Variants in VPS53 observed in about 807,000 individuals in gnomAD.
The protein encoded by VPS53 is vacuolar protein sorting-associated protein 53 homolog.
VPS53 carries 70 observed loss-of-function variants against 107.0 expected under a neutral mutation model. That is an observed-to-expected ratio of 0.65 (90% CI 0.54 to 0.80). VPS53 has a LOEUF of 0.80. VPS53 is among the 30% of genes least tolerant of loss of function. The pLI is 0.00. For synonymous variants in VPS53, 409 were observed against 393.3 expected (o/e 1.04, Z -0.47); for missense variants, 917 against 1,049.4 (o/e 0.87, Z 1.74).
Position 519,214 on chromosome 17 carries a change from C to A in VPS53, c.2413G>T (p.Gly805Cys). 3 of 1,549,694 alleles carry A rather than the reference C, an allele frequency of 1.9e-6. No individual in the cohort carries two copies. The highest frequency in any genetic ancestry group is 2.6e-6 in the Non-Finnish European group (3 of 1,146,320). ...PAPPSGAESS[G>C]SLSLTAPTPE... ...GTTGGCGCCGTCAGGGACAGTGAGC[C>A]GGAGCTTTCTGCCCCCGAGGGCGGT... Residue 805 changes from glycine to cysteine, a missense_variant, in exon 22 of 22, where the codon GGC becomes TGC. Transcript: ENST00000437048. The surrounding 1 kb of genome is among the most constrained non-coding windows in gnomAD (Gnocchi z 5.0).
At chr17:602,644 C>A (rs1968381279) in intron 11 of VPS53, among the ~76,000 whole-genome samples, 1 of 152,218 alleles carries the variant, frequency 6.6e-6, no homozygotes, top group South Asian at 2.1e-4. Context: ...CTGGCCCTAT[C>A]ACCCAGCTTC....
intron 15 of VPS53, among the ~76,000 whole-genome samples, 167 bp downstream of exon 15, chr17:560,259 C>T (rs1448094729): frequency 6.6e-6 from 1 of 152,254 alleles, no homozygotes; most frequent in African/African-American, 2.4e-5. Context: ...AGACAGCTGC[C>T]TGGGCAGCCT....
intron 13 of VPS53, among the ~76,000 whole-genome samples, chr17:575,809 C>A (rs1256238764): frequency 6.6e-6 from 1 of 150,688 alleles, no homozygotes; most frequent in East Asian, 2.0e-4. Flanking sequence ...CAGAAGACTT[C>A]CCTCAGGACC....
chr17:645,236 A>G (rs949001205), intron 7 of VPS53, among the ~76,000 whole-genome samples: 5 of 152,242 alleles, frequency 3.3e-5, no homozygotes, highest in Admixed American at 2.0e-4. Flanking sequence ...GGTGGAAACC[A>G]CAATGCAGTG....
intron 7 of VPS53, among the ~76,000 whole-genome samples, chr17:641,148 G>A (rs118023840): frequency 0.012 from 1,865 of 152,218 alleles, 19 homozygotes; most frequent in Middle Eastern, 0.024. Context: ...GAGTCACTGC[G>A]CCCAGCCTCT....
intron 2 of VPS53, among the ~76,000 whole-genome samples, chr17:706,504 T>C (rs931597145): frequency 4.1e-5 from 6 of 147,564 alleles, no homozygotes; most frequent in Admixed American, 2.7e-4. Flanking sequence ...GCTACTGCAT[T>C]CCATCCTGGC....
rs553279654 is a variant in VPS53 at position 628,325 on chromosome 17, T to G, written c.688-94A>C. On this transcript the variant is annotated intron_variant, in intron 8 of 21. Coordinates refer to ENST00000437048, the MANE Select transcript of VPS53 (RefSeq NM_001128159.3). ...CACTACTTGTTATCTCTACGCATTG[T>G]CAGTCTTACTCCTGCTCCTTCACAC... The G allele has an allele frequency of 4.9e-6, 7 of 1,430,136 alleles. No individual in the cohort carries two copies. The African/African-American group carries it at 8.6e-5, about 18-fold the overall frequency. The allele number at this position is 1,430,136 out of a possible 1,614,324, so 88.6% of individuals were successfully genotyped here. A position where few individuals can be genotyped will look rare whatever the true frequency, so the allele number is the denominator to read the frequency against.
At chr17:623,898 A>G (rs1366837044) in intron 10 of VPS53, among the ~76,000 whole-genome samples, 1 of 152,110 alleles carries the variant, frequency 6.6e-6, no homozygotes, top group Non-Finnish European at 1.5e-5. Flanking sequence ...ATCAGGGGTC[A>G]TGGATGATAT....
chr17:632,731 G>A (rs1257930064), intron 7 of VPS53: 2 of 456,240 alleles, frequency 4.4e-6, no homozygotes, highest in East Asian at 1.4e-4. Flanking sequence ...CTTTGAAAAT[G>A]TTTAGCACCC....
intron 15 of VPS53, among the ~76,000 whole-genome samples, chr17:558,780 T>G (rs1336788305): frequency 6.7e-6 from 1 of 150,332 alleles, no homozygotes; most frequent in African/African-American, 2.5e-5. Context: ...GGTCAAGAGT[T>G]GGAGATCAGC....
rs1238840064 is a variant in VPS53 at position 586,181 on chromosome 17, C to T, written c.1313+89G>A. ...CAGGCATGCCACAACCATCTTTCAG[C>T]CCCGGAAGGAGCTGTGCGCTCCTAA... On this transcript the variant is annotated intron_variant, in intron 13 of 21. Coordinates refer to ENST00000437048, the MANE Select transcript of VPS53 (RefSeq NM_001128159.3). 12 of 1,194,728 alleles carry T rather than the reference C, an allele frequency of 1.0e-5. No individual in the cohort carries two copies. In the East Asian group the frequency reaches 2.6e-4, roughly 26 times the overall value. The allele number at this position is 1,194,728 out of a possible 1,614,324, so 74.0% of individuals were successfully genotyped here.
intron 11 of VPS53, among the ~76,000 whole-genome samples, chr17:614,419 G>A (rs142201900): frequency 2.3e-4 from 35 of 152,026 alleles, no homozygotes; most frequent in African/African-American, 7.0e-4. Context: ...CTCTATTCTC[G>A]CCATAATTTC....
At chr17:604,097 T>C (rs769129277) in intron 11 of VPS53, among the ~76,000 whole-genome samples, 10 of 152,198 alleles carry the variant, frequency 6.6e-5, no homozygotes, top group Non-Finnish European at 1.5e-4. Flanking sequence ...GCCCCTCATC[T>C]ATTGCTAAGT....
chr17:578,547 G>A (rs1914855656), intron 13 of VPS53, among the ~76,000 whole-genome samples: 1 of 148,912 alleles, frequency 6.7e-6, no homozygotes, highest in Non-Finnish European at 1.5e-5. Flanking sequence ...TCCTCCCTCA[G>A]AATTTAATGC....
intron 7 of VPS53, among the ~76,000 whole-genome samples, chr17:640,681 G>A (rs757100329): frequency 7.9e-5 from 12 of 151,618 alleles, no homozygotes; most frequent in East Asian, 1.9e-4. Flanking sequence ...AAATAAGAGG[G>A]TGGGGCTAGC....
At chr17:593,930 C>G (rs944014010) in intron 12 of VPS53, among the ~76,000 whole-genome samples, 1 of 152,178 alleles carries the variant, frequency 6.6e-6, no homozygotes, top group African/African-American at 2.4e-5. Context: ...CAATGATAGA[C>G]TGGATTAAGA....
At chr17:700,264 C>T (rs945115814) in intron 2 of VPS53, among the ~76,000 whole-genome samples, 30 of 151,998 alleles carry the variant, frequency 2.0e-4, no homozygotes, top group African/African-American at 7.0e-4. Flanking sequence ...CTTCTTGGGC[C>T]GGGTGCAGTG....
At chr17:654,191 T>A (rs748729280) in intron 6 of VPS53, among the ~76,000 whole-genome samples, 2 of 151,262 alleles carry the variant, frequency 1.3e-5, no homozygotes, top group Non-Finnish European at 3.0e-5. Flanking sequence ...GGAGACTCCG[T>A]CTCAAAAACA....
chr17:627,422 G>T, intron 9 of VPS53, 106 bp from the exon 10 acceptor site: 2 of 1,309,524 alleles, frequency 1.5e-6, no homozygotes, highest in Non-Finnish European at 2.1e-6. Context: ...ACCAACCTCT[G>T]TATTTCTCAT....
Sources: gnomAD v4.1 joint callset for allele counts (sites outside exome capture counted in the v4.1 genomes callset) on GRCh38, gnomAD v4.1.1 for gene constraint, Gnocchi (gnomAD v3.1) non-coding constraint, MANE v1.5 for transcripts, NCBI Gene and HGNC (gene_info 2026-07-23, HGNC 2026-07-21) for gene names.